Variants in TLN2 observed in about 807,000 individuals in gnomAD.
TLN2 encodes the protein talin-2.
Under a neutral mutation model 294.7 loss-of-function variants are expected in TLN2, and 118 were observed. The ratio of observed to expected loss-of-function variants is 0.40; its 90% CI spans 0.34 to 0.47. The LOEUF is 0.47. Ranked by LOEUF, TLN2 falls within the 20% of genes least tolerant of loss-of-function variation. The pLI, the probability that TLN2 is intolerant of heterozygous loss-of-function variation, is 0.84. For synonymous variants in TLN2, 1,431 were observed against 1,304.5 expected (o/e 1.10, Z -2.09); for missense variants, 3,083 against 3,282.2 (o/e 0.94, Z 1.48).
chr15:62,729,136 A>G (rs1032555581), intron 28 of TLN2, among the ~76,000 whole-genome samples: 2 of 152,250 alleles, frequency 1.3e-5, no homozygotes, highest in African/African-American at 4.8e-5. Flanking sequence ...CTGTTGTAAC[A>G]TAAGTGAACA....
At chr15:62,498,027 C>A (rs955710313) in intron 1 of TLN2, among the ~76,000 whole-genome samples, 1 of 151,656 alleles carries the variant, frequency 6.6e-6, no homozygotes, top group South Asian at 2.1e-4. Flanking sequence ...GTGGGCAGAT[C>A]GCTTGAGCTC....
intron 35 of TLN2, among the ~76,000 whole-genome samples, chr15:62,753,170 C>T (rs2062029849): frequency 6.6e-6 from 1 of 152,216 alleles, no homozygotes; most frequent in African/African-American, 2.4e-5. Context: ...CTTGTGCCCT[C>T]TTGTCCTCTT....
At chr15:62,823,963 C>T (rs1317010448) in intron 54 of TLN2, 3 of 529,898 alleles carry the variant, frequency 5.7e-6, no homozygotes, top group African/African-American at 3.9e-5. Context: ...TTTCTGCAGG[C>T]CTCTGTGTGA....
chr15:62,414,984 T>C lies in TLN2; in HGVS notation c.-238+24299T>C, dbSNP rs1334214233. Reference sequence around the variant, plus strand: ...TGGAGTGCAATGGCGTGATCTCGGCTCCCTGCAACCTGTGCCTCCCAGGTT... The same window carrying C: ...TGGAGTGCAATGGCGTGATCTCGGCCCCCTGCAACCTGTGCCTCCCAGGTT... On this transcript the variant is annotated intron_variant, in intron 1 of 58. Coordinates refer to ENST00000636159, the MANE Select transcript of TLN2 (RefSeq NM_015059.3). Among the ~76,000 whole-genome samples the C allele has an allele frequency of 1.4e-5, 2 of 141,240 alleles. 1 individual carries two copies. Among genetic ancestry groups the C allele is most frequent in the Non-Finnish European group, 3.0e-5 (2 of 66,002 alleles). 92.7% of individuals were successfully genotyped at this position (141,240 alleles called of 152,430 possible). A position where few individuals can be genotyped will look rare whatever the true frequency, so the allele number is the denominator to read the frequency against.
At position 62,717,650 on chromosome 15, in the gene TLN2, G is replaced by A. The variant is rs767682941; in HGVS notation, c.2838G>A (p.Lys946=). 2 of 1,604,578 alleles carry A rather than the reference G, an allele frequency of 1.2e-6. No homozygotes were observed. Among genetic ancestry groups the A allele is most frequent in the Non-Finnish European group, 1.7e-6 (2 of 1,176,100 alleles). Residue 946 remains lysine (K), a synonymous_variant, in exon 24 of 59, where the codon AAG becomes AAA. Transcript: ENST00000636159. ...CCCAGAATGCAGCTGTTTCCAACAA[G>A]AACCCTGCGGCCCAGCAGCAGCTGG... ...AASQNAAVSN[K]NPAAQQQLVQ...
intron 3 of TLN2, among the ~76,000 whole-genome samples, chr15:62,630,845 T>C (rs1241317819): frequency 6.6e-6 from 1 of 152,192 alleles, no homozygotes; most frequent in East Asian, 1.9e-4. Flanking sequence ...GATGTCTTTT[T>C]CTTTTTGACA....
intron 32 of TLN2, among the ~76,000 whole-genome samples, chr15:62,742,066 T>A (rs1016042814): frequency 4.0e-5 from 6 of 149,460 alleles, no homozygotes; most frequent in African/African-American, 1.2e-4. Context: ...TGTGTGTGTG[T>A]GTGTGTGTGA....
chr15:62,739,643 T>C (rs2061210767), intron 31 of TLN2, 98 bp downstream of exon 31: 1 of 1,422,676 alleles, frequency 7.0e-7, no homozygotes, highest in Non-Finnish European at 9.6e-7. Flanking sequence ...AAAAGGAACC[T>C]GGAAACAGGC....
intron 45 of TLN2, chr15:62,784,740 A>G (rs370573175): frequency 4.5e-4 from 69 of 152,372 alleles, no homozygotes; most frequent in African/African-American, 1.5e-3. Flanking sequence ...AGGGACACTT[A>G]AAAGATAAAA....
At chr15:62,672,126 T>A (rs1466064082) in intron 9 of TLN2, among the ~76,000 whole-genome samples, 1 of 152,240 alleles carries the variant, frequency 6.6e-6, no homozygotes, top group Non-Finnish European at 1.5e-5. Flanking sequence ...TGAAATGTGC[T>A]TTGATCTATC....
At chr15:62,434,763 T>C (rs1432457238) in intron 1 of TLN2, among the ~76,000 whole-genome samples, 1 of 152,190 alleles carries the variant, frequency 6.6e-6, no homozygotes, top group African/African-American at 2.4e-5. Context: ...GGTTGAGCAT[T>C]TTCTTTTTCC....
intron 1 of TLN2, among the ~76,000 whole-genome samples, chr15:62,503,026 A>G (rs1230923541): frequency 1.3e-5 from 2 of 152,142 alleles, no homozygotes; most frequent in Non-Finnish European, 2.9e-5. Context: ...CCCTCTTCCA[A>G]GGCCAGGTGA....
chr15:62,835,489 A>C (rs1228406311), intron 55 of TLN2: 2 of 566,142 alleles, frequency 3.5e-6, no homozygotes, highest in Non-Finnish European at 6.3e-6. Context: ...CCTGGAAGCT[A>C]AGTGGAGCCA....
At chr15:62,709,147 T>C (rs954904134) in intron 21 of TLN2, among the ~76,000 whole-genome samples, 1 of 152,134 alleles carries the variant, frequency 6.6e-6, no homozygotes, top group Non-Finnish European at 1.5e-5. Flanking sequence ...TTAAGAAGTT[T>C]ATTATACTTG....
Position 62,468,398 on chromosome 15 carries a change from A to G in TLN2, c.-238+77713A>G, listed in dbSNP as rs62006669. 6.7e-3 allele frequency among the ~76,000 whole-genome samples: 1,020 copies of G among 152,298 alleles called. 5 individuals carry two copies. Among genetic ancestry groups the G allele is most frequent in the Non-Finnish European group, 8.6e-3 (588 of 68,026 alleles). On this transcript the variant is annotated intron_variant, in intron 1 of 58. Coordinates refer to ENST00000636159, the MANE Select transcript of TLN2 (RefSeq NM_015059.3). ...ATTTACTAAGCTGGGGAAAGTTAAG[A>G]TGTTAAGACACTCCAGCCAGTCAGT...
rs1224089789 is a variant in TLN2, at chr15:62,683,467, CCGCCTCT to C, written c.958-3172_958-3166del. On this transcript the variant is annotated intron_variant, in intron 11 of 58. Coordinates refer to ENST00000636159, the MANE Select transcript of TLN2 (RefSeq NM_015059.3). ...TCATTGGTAGAATGCCTGCATTCTCCCGCCTCTCATTGGTAGAATGCCTGCATTCTCC... is the reference window on the plus strand; with the variant it reads ...TCATTGGTAGAATGCCTGCATTCTCCCATTGGTAGAATGCCTGCATTCTCC... Among the ~76,000 whole-genome samples, 997 of 143,690 alleles carry C rather than the reference CCGCCTCT, an allele frequency of 6.9e-3. 7 individuals carry two copies. Among genetic ancestry groups the C allele is most frequent in the African/African-American group, 0.024 (930 of 39,420 alleles). 94.3% of individuals were successfully genotyped at this position (143,690 alleles called of 152,430 possible). A position where few individuals can be genotyped will look rare whatever the true frequency, so the allele number is the denominator to read the frequency against.
chr15:62,637,629 A>T (rs1007037706), intron 3 of TLN2: 1 of 152,222 alleles, frequency 6.6e-6, no homozygotes, highest in Non-Finnish European at 1.5e-5. Context: ...ATATCCAGGG[A>T]CAAGATATAC....
intron 37 of TLN2, 42 bp from the exon 38 acceptor site, chr15:62,761,639 T>G: frequency 6.2e-7 from 1 of 1,612,872 alleles, no homozygotes; most frequent in Non-Finnish European, 8.5e-7. Context: ...AAATAATTTG[T>G]GCTTCTCAAT....
chr15:62,522,989 C>G (rs1022604352), intron 1 of TLN2, among the ~76,000 whole-genome samples: 17 of 152,002 alleles, frequency 1.1e-4, no homozygotes, highest in Non-Finnish European at 1.8e-4. Context: ...CTCTCTCACT[C>G]ACACTCATTC....
Sources: gnomAD v4.1 joint callset for allele counts (sites outside exome capture counted in the v4.1 genomes callset) on GRCh38, gnomAD v4.1.1 for gene constraint, MANE v1.5 for transcripts, NCBI Gene and HGNC (gene_info 2026-07-23, HGNC 2026-07-21) for gene names.